HROB: variants seen among roughly 807,000 people sequenced by gnomAD.
HROB encodes the protein homologous recombination OB-fold protein.
In HROB, 44 loss-of-function variants were observed where a neutral mutation model predicts 61.0. The observed-to-expected ratio is 0.72, with a 90% CI of 0.57 to 0.93. The LOEUF (loss-of-function observed/expected upper bound fraction) is 0.93, where lower values mean the gene tolerates loss of function less well. Ranked by LOEUF, HROB falls within the 40% of genes least tolerant of loss-of-function variation. HROB has a pLI of 0.00. For missense variants in HROB, 716 were observed against 796.2 expected (o/e 0.90, Z 1.21); for synonymous variants, 301 against 310.4 (o/e 0.97, Z 0.32).
intron 6 of HROB, 77 bp from the exon 7 acceptor site, chr17:44,154,776 C>T (rs2053921148): frequency 6.3e-7 from 1 of 1,593,992 alleles, no homozygotes; most frequent in Admixed American, 1.7e-5. Flanking sequence ...GTGAGCAGCC[C>T]ACTTCCCAGC....
chr17:44,154,884 G>A lies in HROB; in HGVS notation c.1590G>A (p.Leu530=), dbSNP rs145679213. 6.2e-6 allele frequency: 10 copies of A among 1,614,108 alleles called. No homozygotes were observed. The African/African-American group carries it at 1.3e-4, about 22-fold the overall frequency. The part of the protein sequence containing the change: ...GEMQGTVHRL[L]LETCQNELKP... ...TGCAGGGGACGGTGCACAGGTTGCTGCTGGAGACGTGCCAGAATGAGCTGA... is the reference window on the plus strand; with the variant it reads ...TGCAGGGGACGGTGCACAGGTTGCTACTGGAGACGTGCCAGAATGAGCTGA... The change falls in exon 7 of 10, where the codon CTG becomes CTA. Residue 530 remains leucine (L), a synonymous_variant. Transcript: ENST00000585683.
rs1417030264 is a variant in HROB, at chr17:44,148,362, C to T, written c.559C>T (p.Pro187Ser). The T allele has an allele frequency of 6.2e-7, 1 of 1,614,134 alleles. No homozygotes were observed. The highest frequency in any genetic ancestry group is 1.3e-5 in the African/African-American group (1 of 75,020). ...CAGCAGTGAGGCCATACCAATCCTG[C>T]CTGCCCAGCAGCGGGAGGGTTCAGT... Reference protein sequence around the residue: ...GVSSEAIPILPAQQREGSVLA... With the variant: ...GVSSEAIPILSAQQREGSVLA... Residue 187 changes from proline to serine, a missense_variant, in exon 3 of 10, where the codon CCT (proline) becomes TCT (serine). Physicochemically the swap from Pro to Ser is moderately conservative, Grantham distance 74 (BLOSUM62 -1). Transcript: ENST00000585683.
chr17:44,150,995 C>CCG lies in HROB; in HGVS notation c.1263_1264dup (p.Pro422ArgfsTer35), dbSNP rs1323129948. ...AGAAGTCTGGAGGACATCATGGTTT[C>CCG]CGCGCCCCAAACTCCAACCCATGGT... On this transcript the variant is annotated frameshift_variant, in exon 4 of 10. Coordinates refer to ENST00000585683, the MANE Select transcript of HROB (RefSeq NM_001171251.3). LOFTEE classifies it high-confidence loss of function. 6.2e-7 allele frequency: 1 copy of CCG among 1,613,170 alleles called. No individual in the cohort carries two copies. Among genetic ancestry groups the CCG allele is most frequent in the Non-Finnish European group, 8.5e-7 (1 of 1,179,938 alleles).
intron 9 of HROB, among the ~76,000 whole-genome samples, chr17:44,158,379 G>A (rs964519215): frequency 6.6e-5 from 10 of 152,210 alleles, no homozygotes; most frequent in Admixed American, 2.0e-4. Flanking sequence ...ACAAACCAGA[G>A]AGGCCCAAAT....
intron 3 of HROB, 83 bp from the exon 4 acceptor site, chr17:44,150,878 A>G (rs1313853191): frequency 1.3e-5 from 16 of 1,187,264 alleles, no homozygotes; most frequent in African/African-American, 3.0e-5. Context: ...TCCTGAACTC[A>G]TTATGTAAAC....
chr17:44,146,222 C>T (rs1386480455), intron 2 of HROB, among the ~76,000 whole-genome samples: 2 of 152,158 alleles, frequency 1.3e-5, no homozygotes, highest in African/African-American at 2.4e-5. Context: ...GCTAATTTTT[C>T]GTTTTTTTGT....
Position 44,147,719 on chromosome 17 carries a change from A to G in HROB, c.55-139A>G, listed in dbSNP as rs546416761. The G allele has an allele frequency of 5.6e-5, 47 of 842,332 alleles. No homozygotes were observed. The South Asian group carries it at 7.5e-4, about 13-fold the overall frequency. 52.2% of individuals were successfully genotyped at this position (842,332 alleles called of 1,614,324 possible). A position where few individuals can be genotyped will look rare whatever the true frequency, so the allele number is the denominator to read the frequency against. ...CCAAAGTGCTGGGATTACAGGCATG[A>G]GCCACCATGCCCGACCCTCATGCTT... On this transcript the variant is annotated intron_variant, in intron 2 of 9. Coordinates refer to ENST00000585683, the MANE Select transcript of HROB (RefSeq NM_001171251.3).
At chr17:44,149,971 G>A (rs988891517) in intron 3 of HROB, among the ~76,000 whole-genome samples, 17 of 152,218 alleles carry the variant, frequency 1.1e-4, no homozygotes, top group Non-Finnish European at 2.2e-4. Flanking sequence ...AGCGGGCGCT[G>A]TGCTCTGTGG....
Position 44,147,887 on chromosome 17 carries a change from G to A in HROB, c.84G>A (p.Glu28=), listed in dbSNP as rs2053659248. Residue 28 remains glutamate (E), a synonymous_variant, in exon 3 of 10, where the codon GAG becomes GAA. Transcript: ENST00000585683. ...EDFLSAVEDA[E]NRFTGSLPVN... is the part of the protein sequence containing the mutation. ...TCTTGTCTGCTGTGGAGGATGCAGAGAACCGGTTTACTGGCTCACTGCCTG... is the reference window on the plus strand; with the variant it reads ...TCTTGTCTGCTGTGGAGGATGCAGAAAACCGGTTTACTGGCTCACTGCCTG... 1.9e-6 allele frequency: 3 copies of A among 1,613,746 alleles called. No homozygotes were observed. The highest frequency in any genetic ancestry group is 2.5e-6 in the Non-Finnish European group (3 of 1,179,726).
Position 44,157,900 on chromosome 17 carries a change from T to G in HROB, c.1838T>G (p.Leu613Arg). The G allele has an allele frequency of 6.2e-7, 1 of 1,613,650 alleles. No individual in the cohort carries two copies. The highest frequency in any genetic ancestry group is 8.5e-7 in the Non-Finnish European group (1 of 1,179,762). ...GAAGGCTTCAGAACAGCACAGAACCTAGAGGCAGAGGCGTCCCCTGAGGAA... is the reference window on the plus strand; with the variant it reads ...GAAGGCTTCAGAACAGCACAGAACCGAGAGGCAGAGGCGTCCCCTGAGGAA... ...PEEGFRTAQNLEAEASPEEEL... is the reference protein window; with the variant it reads ...PEEGFRTAQNREAEASPEEEL... Residue 613 changes from leucine (L) to arginine (R), a missense_variant, in exon 9 of 10, where the codon CTA becomes CGA. Leu to Arg is a moderately radical substitution (Grantham distance 102). Transcript: ENST00000585683.
rs1336849662 is a variant in HROB at position 44,158,671 on chromosome 17, A to G, written c.1879+730A>G. On this transcript the variant is annotated intron_variant, in intron 9 of 9. Coordinates refer to ENST00000585683, the MANE Select transcript of HROB (RefSeq NM_001171251.3). ...CAATTTTTTTTTTTTTTTGAGACGG[A>G]GTCTCGCTCTGTCACCCAGGGTGAA... 2.1e-5 allele frequency among the ~76,000 whole-genome samples: 3 copies of G among 145,494 alleles called. No individual in the cohort carries two copies. In the East Asian group the frequency reaches 6.1e-4, roughly 30 times the overall value.
chr17:44,160,576 A>C (rs1317711494), intron 9 of HROB, among the ~76,000 whole-genome samples: 4 of 152,138 alleles, frequency 2.6e-5, no homozygotes, highest in Non-Finnish European at 5.9e-5. Context: ...TCAAAAATAA[A>C]AAAAATCCAT....
intron 4 of HROB, 57 bp downstream of exon 4, chr17:44,151,101 G>T (rs2053791488): frequency 1.3e-6 from 2 of 1,496,240 alleles, no homozygotes; most frequent in Non-Finnish European, 1.9e-6. Context: ...GGGCGTCCCT[G>T]TGTGTTTCAG....
chr17:44,151,190 G>A, intron 4 of HROB, 146 bp downstream of exon 4: 1 of 830,980 alleles, frequency 1.2e-6, no homozygotes, highest in Non-Finnish European at 1.9e-6. Flanking sequence ...GCAGGTAGTT[G>A]GGGGAGGCAG....
intron 9 of HROB, among the ~76,000 whole-genome samples, chr17:44,161,200 C>A (rs1369856818): frequency 4.7e-5 from 5 of 105,872 alleles, no homozygotes; most frequent in Admixed American, 4.4e-4. Flanking sequence ...GAGACTCTGT[C>A]TCAAAAAAAA....
intron 4 of HROB, among the ~76,000 whole-genome samples, chr17:44,151,841 T>G (rs949432461): frequency 3.3e-5 from 5 of 151,614 alleles, no homozygotes; most frequent in African/African-American, 2.4e-5. Flanking sequence ...TTTATGTTAT[T>G]TTATTTTATT....
intron 2 of HROB, among the ~76,000 whole-genome samples, chr17:44,145,891 A>C (rs1227820567): frequency 6.6e-6 from 1 of 152,158 alleles, no homozygotes; most frequent in African/African-American, 2.4e-5. Flanking sequence ...ATTTATTTTA[A>C]GTTCAGGGGT....
chr17:44,152,003 T>C (rs760292734), intron 4 of HROB, among the ~76,000 whole-genome samples: 10 of 152,146 alleles, frequency 6.6e-5, no homozygotes, highest in South Asian at 2.1e-4. Context: ...TGTGCCACCA[T>C]GCCTGGCTAA....
intron 4 of HROB, among the ~76,000 whole-genome samples, chr17:44,151,607 G>A (rs1032477705): frequency 8.5e-5 from 13 of 152,196 alleles, no homozygotes; most frequent in African/African-American, 2.7e-4. Context: ...TTCAAAGCAT[G>A]TATTAATGTA....
Sources: gnomAD v4.1 joint callset for allele counts (sites outside exome capture counted in the v4.1 genomes callset) on GRCh38, gnomAD v4.1.1 for gene constraint, MANE v1.5 for transcripts, NCBI Gene and HGNC (gene_info 2026-07-23, HGNC 2026-07-21) for gene names.